Variants in FAM227B observed in about 807,000 individuals in gnomAD.
FAM227B encodes the protein protein FAM227B.
FAM227B carries 88 observed loss-of-function variants against 73.8 expected under a neutral mutation model. The ratio of observed to expected loss-of-function variants is 1.19; its 90% CI spans 1.00 to 1.42. FAM227B has a LOEUF of 1.42. Ranked by LOEUF, FAM227B falls within the 40% of genes most tolerant of loss-of-function variation. The pLI is 0.00. For missense variants in FAM227B, 632 were observed against 590.9 expected, an observed-to-expected ratio of 1.07 and a Z score of -0.72; for synonymous variants, 210 against 190.5, an observed-to-expected ratio of 1.10 and a Z score of -0.84.
intron 11 of FAM227B, among the ~76,000 whole-genome samples, chr15:49,506,993 A>G (rs548677122): frequency 2.0e-5 from 3 of 152,180 alleles, no homozygotes; most frequent in African/African-American, 7.2e-5. Flanking sequence ...TTAGTTATTC[A>G]TATGTGAGGG....
intron 13 of FAM227B, chr15:49,366,250 A>T: frequency 2.5e-6 from 2 of 786,470 alleles, no homozygotes; most frequent in Non-Finnish European, 4.7e-6. Flanking sequence ...TCATATCTAT[A>T]AAGTCTTTGT....
chr15:49,345,976 T>A (rs767506398), intron 13 of FAM227B, among the ~76,000 whole-genome samples: 2 of 152,030 alleles, frequency 1.3e-5, no homozygotes, highest in Non-Finnish European at 2.9e-5. Context: ...AAAAGTATTG[T>A]CCTAGAATTG....
At chr15:49,457,765 T>G (rs2053443734) in intron 11 of FAM227B, among the ~76,000 whole-genome samples, 1 of 151,914 alleles carries the variant, frequency 6.6e-6, no homozygotes, top group South Asian at 2.1e-4. Flanking sequence ...TATTTAAAAT[T>G]AAAAGAATTG....
intron 5 of FAM227B, among the ~76,000 whole-genome samples, chr15:49,578,492 A>G (rs1434521459): frequency 6.6e-6 from 1 of 152,148 alleles, no homozygotes; most frequent in Admixed American, 6.6e-5. Flanking sequence ...ATAGATAGAT[A>G]GCAGGTTAAT....
chr15:49,376,061 T>C (rs1408452759), intron 11 of FAM227B, among the ~76,000 whole-genome samples: 1 of 152,084 alleles, frequency 6.6e-6, no homozygotes, highest in Non-Finnish European at 1.5e-5. Context: ...GTTTCCACAG[T>C]TCCATATCTA....
chr15:49,420,564 A>G (rs942403732), intron 11 of FAM227B, among the ~76,000 whole-genome samples: 15 of 152,200 alleles, frequency 9.9e-5, no homozygotes, highest in Admixed American at 5.9e-4. Flanking sequence ...AGAAACTAAT[A>G]AAAAGAATTA....
At chr15:49,357,720 C>T (rs1670276744) in intron 13 of FAM227B, among the ~76,000 whole-genome samples, 2 of 151,964 alleles carry the variant, frequency 1.3e-5, no homozygotes, top group African/African-American at 4.8e-5. Flanking sequence ...AAGAGGGAAT[C>T]CTCCCTAACT....
At chr15:49,342,106 T>G (rs761580858) in intron 13 of FAM227B, among the ~76,000 whole-genome samples, 3 of 152,226 alleles carry the variant, frequency 2.0e-5, no homozygotes, top group Non-Finnish European at 4.4e-5. Flanking sequence ...GCCTCGATGA[T>G]CTGCATTATG....
chr15:49,540,676 T>G (rs74014340), intron 10 of FAM227B, among the ~76,000 whole-genome samples: 2,234 of 152,314 alleles, frequency 0.015, 73 homozygotes, highest in African/African-American at 0.052. Flanking sequence ...ACAGTCACAT[T>G]GTGAGGTGTA....
intron 11 of FAM227B, among the ~76,000 whole-genome samples, chr15:49,409,971 T>C (rs2048766672): frequency 6.6e-6 from 1 of 152,164 alleles, no homozygotes; most frequent in South Asian, 2.1e-4. Flanking sequence ...TACTGTTTAT[T>C]AGGATCATTC....
intron 10 of FAM227B, among the ~76,000 whole-genome samples, chr15:49,526,162 G>T (rs1386192566): frequency 6.6e-6 from 1 of 152,094 alleles, no homozygotes; most frequent in African/African-American, 2.4e-5. Flanking sequence ...AATAAAGCAA[G>T]TCTCAATAAA....
chr15:49,360,102 G>A (rs957053228), intron 13 of FAM227B, among the ~76,000 whole-genome samples: 1 of 114,194 alleles, frequency 8.8e-6, no homozygotes, highest in Non-Finnish European at 1.7e-5. Context: ...GGTGGGGGGA[G>A]GGGGGAGGGA....
At chr15:49,418,896 C>T (rs2049401081) in intron 11 of FAM227B, among the ~76,000 whole-genome samples, 1 of 152,006 alleles carries the variant, frequency 6.6e-6, no homozygotes, top group African/African-American at 2.4e-5. Context: ...TTTGAGAATT[C>T]TGCTCTTCCA....
chr15:49,405,197 T>A (rs780647520), intron 11 of FAM227B, among the ~76,000 whole-genome samples: 1 of 152,190 alleles, frequency 6.6e-6, no homozygotes, highest in African/African-American at 2.4e-5. Context: ...TTTCTTTCAT[T>A]TCAACCTTAG....
At chr15:49,390,541 C>CA (rs2047148189) in intron 11 of FAM227B, among the ~76,000 whole-genome samples, 1 of 152,024 alleles carries the variant, frequency 6.6e-6, no homozygotes, top group African/African-American at 2.4e-5. Flanking sequence ...ACAGAATGCT[C>CA]AGAGCCAATC....
At chr15:49,426,189 T>C (rs2050119058) in intron 11 of FAM227B, among the ~76,000 whole-genome samples, 1 of 151,826 alleles carries the variant, frequency 6.6e-6, no homozygotes, top group South Asian at 2.1e-4. Flanking sequence ...TTTTCATCTA[T>C]AAAATGTGGG....
chr15:49,379,821 T>C (rs1165740901), intron 11 of FAM227B, among the ~76,000 whole-genome samples: 1 of 152,136 alleles, frequency 6.6e-6, no homozygotes, highest in African/African-American at 2.4e-5. Flanking sequence ...ACCACTATGA[T>C]TGTACTGGGT....
At position 49,470,599 on chromosome 15, in the gene FAM227B, AATG is replaced by A. The variant is rs539809712; in HGVS notation, c.1012+37609_1012+37611del. On this transcript the variant is annotated intron_variant, in intron 11 of 15. Transcript: ENST00000299338. ...AATTCTCAAAATGACCTGTGTTTGA[AATG>A]ATATTTGACTTCTCTAACTTCTTTT... Among the ~76,000 whole-genome samples, 134 of 152,306 alleles carry A rather than the reference AATG, an allele frequency of 8.8e-4. 5 individuals carry two copies. The South Asian group carries it at 0.026, about 30-fold the overall frequency.
At chr15:49,468,845 A>G (rs2054489874) in intron 11 of FAM227B, among the ~76,000 whole-genome samples, 1 of 152,190 alleles carries the variant, frequency 6.6e-6, no homozygotes, top group African/African-American at 2.4e-5. Context: ...CGTGTTAAGC[A>G]GTCACTCTGC....
Sources: allele counts gnomAD v4.1 joint callset (sites outside exome capture counted in the v4.1 genomes callset), GRCh38; gene constraint gnomAD v4.1.1; transcripts MANE v1.5; gene names NCBI Gene and HGNC (gene_info 2026-07-23, HGNC 2026-07-21).